Variants in PNKD observed in about 807,000 individuals in gnomAD.
PNKD encodes PNKD metallo-beta-lactamase domain containing, also known as probable thioesterase PNKD.
Under a neutral mutation model 45.3 loss-of-function variants are expected in PNKD, and 36 were observed. The ratio of observed to expected loss-of-function variants is 0.80; its 90% CI spans 0.61 to 1.05. PNKD has a LOEUF of 1.05. Ranked by LOEUF, PNKD falls within the 50% of genes least tolerant of loss-of-function variation. PNKD has a pLI of 0.00. For synonymous variants in PNKD, 197 were observed against 210.1 expected (o/e 0.94, Z 0.54); for missense variants, 511 against 506.6 (o/e 1.01, Z -0.08).
chr2:218,333,781 G>A (rs1694398921), intron 2 of PNKD, among the ~76,000 whole-genome samples: 1 of 152,036 alleles, frequency 6.6e-6, no homozygotes, highest in South Asian at 2.1e-4. Flanking sequence ...GGTGGTGTCT[G>A]TCAGAGGAAA....
chr2:218,276,466 T>C (rs1175367424), intron 2 of PNKD, among the ~76,000 whole-genome samples: 1 of 151,606 alleles, frequency 6.6e-6, no homozygotes, highest in Non-Finnish European at 1.5e-5. Context: ...ACCCCTCTGG[T>C]GAGTATCAAA....
At chr2:218,333,660 G>A (rs1268061422) in intron 2 of PNKD, among the ~76,000 whole-genome samples, 1 of 152,106 alleles carries the variant, frequency 6.6e-6, no homozygotes, top group Non-Finnish European at 1.5e-5. Flanking sequence ...AGTCAACAGG[G>A]GCCAGGCTAT....
chr2:218,323,150 CG>C, intron 2 of PNKD: 1 of 1,332,396 alleles, frequency 7.5e-7, no homozygotes, highest in Admixed American at 4.1e-5. Flanking sequence ...ATGGGCGGGG[CG>C]GGGCCACAAC....
intron 2 of PNKD, among the ~76,000 whole-genome samples, chr2:218,304,485 G>A (rs1473747129): frequency 6.6e-6 from 1 of 152,116 alleles, no homozygotes; most frequent in Non-Finnish European, 1.5e-5. Flanking sequence ...GACCCTTCAG[G>A]CCCAGGGGTG....
chr2:218,288,301 C>T (rs758512548), intron 2 of PNKD, among the ~76,000 whole-genome samples: 8 of 152,238 alleles, frequency 5.3e-5, no homozygotes, highest in Middle Eastern at 3.4e-3. Flanking sequence ...TGGTGGCGGA[C>T]GCCTGTAGTC....
At chr2:218,285,552 G>A (rs542412177) in intron 2 of PNKD, among the ~76,000 whole-genome samples, 1 of 152,284 alleles carries the variant, frequency 6.6e-6, no homozygotes, top group African/African-American at 2.4e-5. Flanking sequence ...GATACATAAA[G>A]GTCAGAGCTG....
At chr2:218,277,089 G>A (rs190177860) in intron 2 of PNKD, 12 of 1,614,116 alleles carry the variant, frequency 7.4e-6, no homozygotes, top group Admixed American at 1.7e-5. Context: ...TGTGCACGAG[G>A]TGAAGTCCAC....
At chr2:218,304,035 T>G (rs1465928408) in intron 2 of PNKD, among the ~76,000 whole-genome samples, 1 of 152,172 alleles carries the variant, frequency 6.6e-6, no homozygotes, top group Non-Finnish European at 1.5e-5. Flanking sequence ...CAGGAGGAGA[T>G]GGCAGCAGAG....
chr2:218,287,014 T>C (rs899149665), intron 2 of PNKD, among the ~76,000 whole-genome samples: 5 of 152,108 alleles, frequency 3.3e-5, no homozygotes, highest in African/African-American at 1.2e-4. Flanking sequence ...GCTGACCTCA[T>C]AGCCACGAGA....
At chr2:218,278,431 T>A in intron 2 of PNKD, 1 of 1,382,646 alleles carries the variant, frequency 7.2e-7, no homozygotes, top group Non-Finnish European at 1.0e-6. Context: ...TCAGCTGCTA[T>A]AAAGGAATCC....
At chr2:218,281,122 G>GTTT (rs1559504614) in intron 2 of PNKD, 1 of 11,062 alleles carries the variant, frequency 9.0e-5, no homozygotes, top group African/African-American at 1.9e-4. Flanking sequence ...GTTTTGTTTT[G>GTTT]TTTTTTGTTT....
intron 2 of PNKD, among the ~76,000 whole-genome samples, chr2:218,279,710 T>G (rs1226294851): frequency 6.6e-6 from 1 of 152,212 alleles, no homozygotes; most frequent in Non-Finnish European, 1.5e-5. Context: ...GGATCATTTC[T>G]GGCTCCAAGC....
At chr2:218,337,838 G>A (rs995385695) in intron 2 of PNKD, among the ~76,000 whole-genome samples, 1 of 152,142 alleles carries the variant, frequency 6.6e-6, no homozygotes, top group Non-Finnish European at 1.5e-5. Context: ...AAGACACAAG[G>A]TCAAAGATAA....
intron 2 of PNKD, chr2:218,276,009 G>A (rs377493085): frequency 3.1e-5 from 50 of 1,608,764 alleles, no homozygotes; most frequent in Non-Finnish European, 4.2e-5. Flanking sequence ...CCTTCCTAGA[G>A]TGGGGCTGGG....
intron 8 of PNKD, 104 bp downstream of exon 8, chr2:218,343,690 C>A: frequency 1.2e-6 from 1 of 853,048 alleles, no homozygotes. Context: ...CAGCCCAGTT[C>A]CTGGCCCAGA....
At chr2:218,311,648 A>G (rs777901262) in intron 2 of PNKD, among the ~76,000 whole-genome samples, 7 of 152,146 alleles carry the variant, frequency 4.6e-5, no homozygotes, top group African/African-American at 4.8e-5. Flanking sequence ...GCCTCCAGCC[A>G]TAGGACGGTT....
chr2:218,300,729 G>A (rs1046421068), intron 2 of PNKD, among the ~76,000 whole-genome samples: 3 of 151,970 alleles, frequency 2.0e-5, no homozygotes, highest in African/African-American at 7.2e-5. Context: ...ATTTTTAGTA[G>A]AGATGTGTTT....
intron 2 of PNKD, chr2:218,274,093 GT>G: frequency 6.5e-6 from 1 of 154,914 alleles, no homozygotes. Context: ...GCAGTAAAGT[GT>G]ATTTGATTAC....
Position 218,340,136 on chromosome 2 carries a change from G to A in PNKD, c.460G>A (p.Val154Met). 1.2e-6 allele frequency: 2 copies of A among 1,606,168 alleles called. No homozygotes were observed. The highest frequency in any genetic ancestry group is 1.7e-6 in the Non-Finnish European group (2 of 1,173,240). ...VAVDPSDPRA[V>M]QASIEKEGVT... ...TGTGGACCCTTCAGACCCTCGGGCT[G>A]TGCAGGTGAGGGGAGGGCAGGGAGC... Residue 154 changes from valine to methionine, a missense_variant, in exon 4 of 10, where the codon GTG becomes ATG. By Grantham distance (21) the Val-to-Met change is conservative (BLOSUM62 1). Transcript: ENST00000273077. This position sits in a 1 kb window ranked among gnomAD's most constrained non-coding sequence, Gnocchi z 4.2.
Sources: gnomAD v4.1 joint callset for allele counts (sites outside exome capture counted in the v4.1 genomes callset) on GRCh38, gnomAD v4.1.1 for gene constraint, Gnocchi (gnomAD v3.1) non-coding constraint, MANE v1.5 for transcripts, NCBI Gene and HGNC (gene_info 2026-07-23, HGNC 2026-07-21) for gene names.